GALNT13: variants seen among roughly 807,000 people sequenced by gnomAD.
GALNT13 encodes UDP-GalNAc:polypeptide N-acetylgalactosaminyltransferase 13.
In GALNT13, 28 loss-of-function variants were observed where a neutral mutation model predicts 64.2. The observed-to-expected ratio is 0.44, with a 90% confidence interval of 0.32 to 0.60. GALNT13 has a LOEUF of 0.60. GALNT13 is among the 20% of genes least tolerant of loss of function. The probability of loss-of-function intolerance (pLI) is 0.05; values close to 1 mark genes in which losing one functional copy is unlikely to be tolerated. For missense variants in GALNT13, 577 were observed against 669.8 expected, an observed-to-expected ratio of 0.86 and a Z score of 1.53; for synonymous variants, 214 against 224.6, an observed-to-expected ratio of 0.95 and a Z score of 0.42.
intron 4 of GALNT13, among the ~76,000 whole-genome samples, chr2:154,216,987 C>A (rs1467764143): frequency 6.7e-6 from 1 of 150,296 alleles, no homozygotes; most frequent in Non-Finnish European, 1.5e-5. Context: ...GAGATGGGGT[C>A]TTGCTGTGTT....
the GALNT13 span, among the ~76,000 whole-genome samples, chr2:153,843,064 T>TA: frequency 1.8e-4 from 27 of 151,798 alleles, 1 homozygote; most frequent in African/African-American, 6.3e-4. Flanking sequence ...CATAGGGGAT[T>TA]AAAAAAAAAG....
chr2:153,418,219 G>A, the GALNT13 span, among the ~76,000 whole-genome samples: 1 of 152,122 alleles, frequency 6.6e-6, no homozygotes, highest in Non-Finnish European at 1.5e-5. Flanking sequence ...TTGCTAGAAG[G>A]GAGGCACAAG....
intron 1 of GALNT13, among the ~76,000 whole-genome samples, chr2:153,875,625 G>A (rs187277706): frequency 2.0e-5 from 3 of 152,268 alleles, no homozygotes; most frequent in East Asian, 3.9e-4. Context: ...TAGGAAAGGG[G>A]TGAGATAAGA....
At chr2:153,776,378 A>G in the GALNT13 span, among the ~76,000 whole-genome samples, 1 of 152,228 alleles carries the variant, frequency 6.6e-6, no homozygotes, top group African/African-American at 2.4e-5. Flanking sequence ...TTGAGAGGCT[A>G]TAAAATTTCC....
the GALNT13 span, among the ~76,000 whole-genome samples, chr2:153,684,337 C>G: frequency 3.2e-4 from 48 of 151,744 alleles, no homozygotes; most frequent in African/African-American, 1.1e-3. Flanking sequence ...CCTCCTCTAA[C>G]TGTCATTATG....
chr2:153,245,893 G>A, the GALNT13 span, among the ~76,000 whole-genome samples: 1 of 152,018 alleles, frequency 6.6e-6, no homozygotes, highest in Non-Finnish European at 1.5e-5. Flanking sequence ...AGCAGGCTAA[G>A]AATCTTGATA....
the GALNT13 span, among the ~76,000 whole-genome samples, chr2:153,318,149 A>G: frequency 6.6e-6 from 1 of 150,458 alleles, no homozygotes. Context: ...CTTTTAAAAC[A>G]TAGACATGGA....
chr2:153,703,524 T>C, the GALNT13 span, among the ~76,000 whole-genome samples: 1 of 152,158 alleles, frequency 6.6e-6, no homozygotes, highest in African/African-American at 2.4e-5. Context: ...TTCCCTTACT[T>C]GCAGTCATTT....
At chr2:153,497,741 T>A in the GALNT13 span, among the ~76,000 whole-genome samples, 2 of 152,024 alleles carry the variant, frequency 1.3e-5, no homozygotes, top group Non-Finnish European at 2.9e-5. Flanking sequence ...TTTCACCATG[T>A]TGGCCAGGCT....
chr2:153,729,099 C>T, the GALNT13 span, among the ~76,000 whole-genome samples: 11 of 152,104 alleles, frequency 7.2e-5, no homozygotes, highest in South Asian at 2.1e-4. Flanking sequence ...AACTGTTCTC[C>T]GCAATAGAAA....
chr2:153,432,117 A>T, the GALNT13 span, among the ~76,000 whole-genome samples: 1 of 149,902 alleles, frequency 6.7e-6, no homozygotes, highest in Non-Finnish European at 1.5e-5. Context: ...AAAAAAAAGG[A>T]GAAGGAATTT....
At chr2:154,133,067 G>A (rs1008120201) in intron 3 of GALNT13, among the ~76,000 whole-genome samples, 1 of 152,050 alleles carries the variant, frequency 6.6e-6, no homozygotes, top group African/African-American at 2.4e-5. Flanking sequence ...GTGCCTATTG[G>A]CTTTGGCATA....
intron 9 of GALNT13, among the ~76,000 whole-genome samples, chr2:154,353,016 G>A (rs1039223223): frequency 1.3e-5 from 2 of 152,088 alleles, no homozygotes; most frequent in East Asian, 1.9e-4. Context: ...CTAGTGACTC[G>A]GTAGTTCTTT....
At chr2:154,358,061 T>A (rs1173557664) in intron 9 of GALNT13, among the ~76,000 whole-genome samples, 1 of 152,072 alleles carries the variant, frequency 6.6e-6, no homozygotes, top group Non-Finnish European at 1.5e-5. Flanking sequence ...AGAATGTGAA[T>A]ATTTTTACAC....
At chr2:153,312,662 G>A in the GALNT13 span, among the ~76,000 whole-genome samples, 1 of 152,134 alleles carries the variant, frequency 6.6e-6, no homozygotes, top group Admixed American at 6.6e-5. Flanking sequence ...CCTTACATCA[G>A]CAAATCCAAC....
chr2:153,567,455 G>A, the GALNT13 span, among the ~76,000 whole-genome samples: 1 of 152,250 alleles, frequency 6.6e-6, no homozygotes, highest in South Asian at 2.1e-4. Context: ...AAGGCCTGGT[G>A]AGGAGTGAGT....
the GALNT13 span, among the ~76,000 whole-genome samples, chr2:153,298,619 G>A: frequency 6.6e-6 from 1 of 152,114 alleles, no homozygotes; most frequent in Non-Finnish European, 1.5e-5. Context: ...CCTTACCCTT[G>A]ATAACAAGAA....
At chr2:153,573,621 G>C in the GALNT13 span, among the ~76,000 whole-genome samples, 5 of 151,760 alleles carry the variant, frequency 3.3e-5, no homozygotes, top group Non-Finnish European at 7.4e-5. Context: ...TTTGGTTTGA[G>C]GTTGCCATGA....
chr2:154,406,360 C>A (rs1441218641), intron 10 of GALNT13, among the ~76,000 whole-genome samples: 1 of 152,088 alleles, frequency 6.6e-6, no homozygotes, highest in Admixed American at 6.6e-5. Flanking sequence ...GCTCTTTGCA[C>A]AGCAGCCACA....
Sources: gnomAD v4.1 joint callset for allele counts (sites outside exome capture counted in the v4.1 genomes callset) on GRCh38, gnomAD v4.1.1 for gene constraint, MANE v1.5 for transcripts, NCBI Gene and HGNC (gene_info 2026-07-23, HGNC 2026-07-21) for gene names.